SENP7: variants seen among roughly 807,000 people sequenced by gnomAD.
SENP7 encodes sentrin-specific protease 7.
Under a neutral mutation model 141.2 loss-of-function variants are expected in SENP7, and 64 were observed. That is an observed-to-expected ratio of 0.45 (90% confidence interval 0.37 to 0.56). The LOEUF is 0.56. Ranked by LOEUF, SENP7 falls within the 20% of genes least tolerant of loss-of-function variation. The pLI, the probability that SENP7 is intolerant of heterozygous loss-of-function variation, is 0.00. For synonymous variants in SENP7, 382 were observed against 426.4 expected (o/e 0.90, Z 1.28); for missense variants, 1,025 against 1,212.2 (o/e 0.85, Z 2.29).
chr3:101,455,678 C>T (rs1332615473), intron 4 of SENP7, among the ~76,000 whole-genome samples: 1 of 152,160 alleles, frequency 6.6e-6, no homozygotes, highest in Non-Finnish European at 1.5e-5. Context: ...TAAAAATAAT[C>T]TGCCCAAGAG....
At chr3:101,406,663 GA>G (rs1489981174) in intron 5 of SENP7, among the ~76,000 whole-genome samples, 6 of 151,676 alleles carry the variant, frequency 4.0e-5, no homozygotes, top group Non-Finnish European at 7.4e-5. Flanking sequence ...AATAATTGAG[GA>G]AAGCTTCCCT....
intron 6 of SENP7, among the ~76,000 whole-genome samples, chr3:101,372,857 A>C (rs919436785): frequency 2.6e-5 from 4 of 151,984 alleles, no homozygotes; most frequent in Non-Finnish European, 4.4e-5. Context: ...AACAAATTTA[A>C]ATCTGAAAAA....
At chr3:101,342,526 A>G (rs768753076) in intron 14 of SENP7, among the ~76,000 whole-genome samples, 5 of 152,208 alleles carry the variant, frequency 3.3e-5, no homozygotes, top group African/African-American at 4.8e-5. Context: ...ACCATAATAC[A>G]ATGACCAAAA....
At chr3:101,443,633 T>G (rs2062768645) in intron 4 of SENP7, among the ~76,000 whole-genome samples, 1 of 151,504 alleles carries the variant, frequency 6.6e-6, no homozygotes, top group African/African-American at 2.4e-5. Context: ...CATTGAGCAG[T>G]GGTTTGTAGT....
chr3:101,434,270 A>T (rs1186549375), intron 4 of SENP7, among the ~76,000 whole-genome samples: 3 of 152,122 alleles, frequency 2.0e-5, no homozygotes, highest in Non-Finnish European at 4.4e-5. Context: ...AACCTATAGG[A>T]TACAGAAAAA....
chr3:101,422,646 A>C (rs930548701), intron 4 of SENP7, among the ~76,000 whole-genome samples: 21 of 152,164 alleles, frequency 1.4e-4, no homozygotes, highest in African/African-American at 5.1e-4. Context: ...TGAAAGCTCC[A>C]AACCATTATA....
chr3:101,330,631 G>A (rs1053348222), intron 19 of SENP7, among the ~76,000 whole-genome samples: 3 of 152,166 alleles, frequency 2.0e-5, no homozygotes, highest in African/African-American at 7.2e-5. Flanking sequence ...CAGTTAGCTA[G>A]GCAAATTCTC....
chr3:101,330,005 T>A (rs1441971936), intron 20 of SENP7, among the ~76,000 whole-genome samples: 1 of 149,862 alleles, frequency 6.7e-6, no homozygotes, highest in Non-Finnish European at 1.5e-5. Context: ...GAATATATAA[T>A]GTGCTTAAGA....
chr3:101,432,691 A>C (rs538756569), intron 4 of SENP7, among the ~76,000 whole-genome samples: 6 of 152,248 alleles, frequency 3.9e-5, no homozygotes, highest in Non-Finnish European at 5.9e-5. Context: ...TCAAGACAGT[A>C]TCTCTATGAG....
At chr3:101,485,533 A>G in intron 3 of SENP7, among the ~76,000 whole-genome samples, 1 of 152,154 alleles carries the variant, frequency 6.6e-6, no homozygotes, top group Non-Finnish European at 1.5e-5. Flanking sequence ...TTCAGCTCAC[A>G]GGAAGCCACA....
chr3:101,366,183 G>C (rs142182028), intron 9 of SENP7, among the ~76,000 whole-genome samples: 1 of 152,302 alleles, frequency 6.6e-6, no homozygotes, highest in African/African-American at 2.4e-5. Context: ...TGAGATGACA[G>C]TGTACTTACT....
intron 7 of SENP7, among the ~76,000 whole-genome samples, chr3:101,370,418 T>C (rs2553430): frequency 0.32 from 48,428 of 151,922 alleles, 8,215 homozygotes; most frequent in Non-Finnish European, 0.38. Flanking sequence ...CCTCAGGGGA[T>C]TGGTCCCAGG....
rs1468279268 is a variant in SENP7, at chr3:101,361,772, A to G, written c.1566T>C (p.Phe522=). 3.1e-6 allele frequency: 5 copies of G among 1,607,336 alleles called. No individual in the cohort carries two copies. Among genetic ancestry groups the G allele is most frequent in the Admixed American group, 3.4e-5 (2 of 58,950 alleles). ...TACCAATATAAACAGAAGTAAATAT[A>G]AAATCCAGTTGTAGATCCATCTCAT... ...PSNEMDLQLD[F]IFTSVYIGKI... Residue 522 remains phenylalanine (F), a synonymous_variant, in exon 11 of 24, where the codon TTT becomes TTC. Transcript: ENST00000394095.
At position 101,428,700 on chromosome 3, in the gene SENP7, G is replaced by A. The variant is rs185310511; in HGVS notation, c.285-10910C>T. Reference sequence around the variant, plus strand: ...TTGCTGTGCAGAAGCTCTTTAATTAGATCCCATTTGTCAATTTTGGCTTTT... The same window carrying A: ...TTGCTGTGCAGAAGCTCTTTAATTAAATCCCATTTGTCAATTTTGGCTTTT... On this transcript the variant is annotated intron_variant, in intron 4 of 23. Coordinates refer to ENST00000394095, the MANE Select transcript of SENP7 (RefSeq NM_020654.5). Among the ~76,000 whole-genome samples the A allele has an allele frequency of 2.6e-5, 4 of 152,082 alleles. No homozygotes were observed. In the East Asian group the frequency reaches 7.7e-4, roughly 29 times the overall value.
intron 5 of SENP7, among the ~76,000 whole-genome samples, chr3:101,407,736 GAAC>G (rs1226363990): frequency 6.6e-6 from 1 of 152,068 alleles, no homozygotes; most frequent in African/African-American, 2.4e-5. Flanking sequence ...TTTTCCAACT[GAAC>G]AACAATAGTG....
chr3:101,371,910 C>T (rs981660116), intron 7 of SENP7, 98 bp downstream of exon 7: 5 of 436,800 alleles, frequency 1.1e-5, no homozygotes, highest in Non-Finnish European at 1.5e-5. Flanking sequence ...TTCACATATC[C>T]TTTCAAAGTA....
chr3:101,487,273 C>G (rs1559898933), intron 3 of SENP7, among the ~76,000 whole-genome samples: 1 of 152,020 alleles, frequency 6.6e-6, no homozygotes, highest in East Asian at 1.9e-4. Flanking sequence ...AATAGACTTA[C>G]CATTTACATA....
intron 3 of SENP7, among the ~76,000 whole-genome samples, chr3:101,490,575 A>G (rs1263917576): frequency 6.6e-6 from 1 of 152,148 alleles, no homozygotes; most frequent in Non-Finnish European, 1.5e-5. Flanking sequence ...AATTCTTTTG[A>G]TTTTTTTAAA....
At chr3:101,335,823 C>T (rs2059170222) in intron 17 of SENP7, among the ~76,000 whole-genome samples, 1 of 152,046 alleles carries the variant, frequency 6.6e-6, no homozygotes, top group Non-Finnish European at 1.5e-5. Flanking sequence ...AATAAATCTC[C>T]CCCTTCCATA....
Sources: allele counts gnomAD v4.1 joint callset (sites outside exome capture counted in the v4.1 genomes callset), GRCh38; gene constraint gnomAD v4.1.1; transcripts MANE v1.5; gene names NCBI Gene and HGNC (gene_info 2026-07-23, HGNC 2026-07-21).